Variants in NCKAP5 observed in about 807,000 individuals in gnomAD.
NCKAP5 encodes nck-associated protein 5.
A neutral mutation model predicts 167.0 loss-of-function variants in NCKAP5; 92 were observed. The observed-to-expected ratio is 0.55, with a 90% confidence interval of 0.47 to 0.66. NCKAP5 has a LOEUF of 0.66. Among genes scored for constraint, NCKAP5 ranks in the 30% least tolerant of loss-of-function variants. NCKAP5 has a pLI of 0.00. For synonymous variants in NCKAP5, 891 were observed against 877.4 expected, an observed-to-expected ratio of 1.02 and a Z score of -0.27; for missense variants, 2,378 against 2,315.0, an observed-to-expected ratio of 1.03 and a Z score of -0.56.
intron 8 of NCKAP5, among the ~76,000 whole-genome samples, chr2:132,913,819 T>C (rs960326609): frequency 6.6e-6 from 1 of 152,198 alleles, no homozygotes. Context: ...TTGAAGTGCA[T>C]GGAGAAAACT....
intron 6 of NCKAP5, chr2:133,121,991 T>C (rs1160298239): frequency 1.3e-5 from 2 of 152,218 alleles, no homozygotes; most frequent in African/African-American, 2.4e-5. Context: ...AGTTCCATAC[T>C]TTATGACTTC....
the NCKAP5 span, among the ~76,000 whole-genome samples, chr2:133,637,476 C>CAAAAAAAAAAAAAAA: frequency 6.6e-4 from 21 of 31,666 alleles, 2 homozygotes; most frequent in East Asian, 8.4e-3. Context: ...TGGTATTTTC[C>CAAAAAAAAAAAAAAA]AAAAAAAAAA....
intron 8 of NCKAP5, among the ~76,000 whole-genome samples, chr2:132,901,554 C>T (rs573044138): frequency 1.1e-4 from 16 of 152,210 alleles, no homozygotes; most frequent in African/African-American, 3.9e-4. Context: ...CCTGATTAAA[C>T]GTTTCACCCA....
chr2:132,826,817 C>G (rs968475434), intron 11 of NCKAP5, among the ~76,000 whole-genome samples: 1 of 152,120 alleles, frequency 6.6e-6, no homozygotes, highest in African/African-American at 2.4e-5. Context: ...AAGAAATGTT[C>G]TTTTTGCTAC....
At chr2:133,197,398 C>T (rs1368482473) in intron 5 of NCKAP5, among the ~76,000 whole-genome samples, 2 of 152,200 alleles carry the variant, frequency 1.3e-5, no homozygotes, top group Admixed American at 1.3e-4. Context: ...AGGCCTGAAC[C>T]TCACCTGGCC....
At position 132,825,571 on chromosome 2, in the gene NCKAP5, A is replaced by G. The variant is rs139866988; in HGVS notation, c.808-28842T>C. Among the ~76,000 whole-genome samples the G allele has an allele frequency of 3.0e-3, 460 of 152,346 alleles. 2 individuals are homozygous for G. Among genetic ancestry groups the G allele is most frequent in the African/African-American group, 0.011 (438 of 41,592 alleles). Reference sequence around the variant, plus strand: ...TTTCCATAAGGACTGAAAGCTACCAATATCAAGCCATTTTAACAGAGGGCA... The same window carrying G: ...TTTCCATAAGGACTGAAAGCTACCAGTATCAAGCCATTTTAACAGAGGGCA... On this transcript the variant is annotated intron_variant, in intron 11 of 19. Transcript: ENST00000409261.
At chr2:133,633,400 A>G in the NCKAP5 span, among the ~76,000 whole-genome samples, 1 of 152,174 alleles carries the variant, frequency 6.6e-6, no homozygotes, top group Non-Finnish European at 1.5e-5. Flanking sequence ...AAAGTCTGCT[A>G]TTTCTAGCCT....
At chr2:133,287,479 G>A (rs1346882607) in intron 4 of NCKAP5, among the ~76,000 whole-genome samples, 2 of 152,172 alleles carry the variant, frequency 1.3e-5, no homozygotes, top group South Asian at 4.1e-4. Flanking sequence ...TGAAGATACA[G>A]CATCAGACAA....
At chr2:133,466,650 T>C (rs949960298) in intron 3 of NCKAP5, among the ~76,000 whole-genome samples, 1 of 152,260 alleles carries the variant, frequency 6.6e-6, no homozygotes. Context: ...GAGCATGGAA[T>C]GTTCTTCCGT....
chr2:133,500,470 A>T (rs1215996371), intron 3 of NCKAP5, among the ~76,000 whole-genome samples: 1 of 152,194 alleles, frequency 6.6e-6, no homozygotes, highest in Non-Finnish European at 1.5e-5. Flanking sequence ...GACAAAGCAC[A>T]TGGGAGGTCT....
the NCKAP5 span, among the ~76,000 whole-genome samples, chr2:133,660,408 A>C: frequency 2.0e-5 from 3 of 152,118 alleles, no homozygotes. Flanking sequence ...GCATTTGCTT[A>C]TCTGTTTTTC....
At chr2:132,787,404 C>T (rs1683676616) in intron 13 of NCKAP5, among the ~76,000 whole-genome samples, 4 of 151,450 alleles carry the variant, frequency 2.6e-5, no homozygotes, top group Admixed American at 1.3e-4. Flanking sequence ...CAAGAGAAGG[C>T]TCTGGGTTTC....
chr2:133,062,582 G>T (rs1187770780), intron 6 of NCKAP5, among the ~76,000 whole-genome samples: 1 of 152,176 alleles, frequency 6.6e-6, no homozygotes, highest in African/African-American at 2.4e-5. Context: ...AATCCTGGAG[G>T]TAAAAATCCA....
chr2:133,344,087 C>T (rs1300007145), intron 3 of NCKAP5, among the ~76,000 whole-genome samples: 3 of 152,028 alleles, frequency 2.0e-5, no homozygotes, highest in Non-Finnish European at 4.4e-5. Context: ...GACATTTGAA[C>T]AGAGACCTGA....
chr2:133,182,763 A>C (rs1009891361), intron 5 of NCKAP5, among the ~76,000 whole-genome samples: 1 of 152,176 alleles, frequency 6.6e-6, no homozygotes, highest in African/African-American at 2.4e-5. Flanking sequence ...AATAAATATA[A>C]GAGCAGAAAT....
Position 132,716,234 on chromosome 2 carries a change from C to T in NCKAP5, c.5713+9393G>A, listed in dbSNP as rs547198624. On this transcript the variant is annotated intron_variant, in intron 19 of 19. Coordinates refer to ENST00000409261, the MANE Select transcript of NCKAP5 (RefSeq NM_207363.3). The stretch of plus-strand genomic sequence containing the variant: ...CAAAAAAGCCATCCTCAAACATGCT[C>T]ATGGGGCTGCAGAAATGTCAGTTGT... Among the ~76,000 whole-genome samples, 4 of 152,302 alleles carry T rather than the reference C, an allele frequency of 2.6e-5. No homozygotes were observed. The South Asian group carries it at 8.3e-4, about 32-fold the overall frequency.
At position 132,731,696 on chromosome 2, in the gene NCKAP5, TCAGCAAA is replaced by T. The variant is rs1574021025; in HGVS notation, c.5443+34_5443+40del. 4.6e-6 allele frequency: 7 copies of T among 1,517,514 alleles called. No individual in the cohort carries two copies. The Admixed American group carries it at 9.0e-5, about 20-fold the overall frequency. The allele number at this position is 1,517,514 out of a possible 1,614,324, so 94.0% of individuals were successfully genotyped here. A position where few individuals can be genotyped will look rare whatever the true frequency, so the allele number is the denominator to read the frequency against. ...TGGTGAAAAGTTTCCCTTTTTTTTG[TCAGCAAA>T]TGTCTTATTAAGGGTGGGAAATTGG... On this transcript the variant is annotated intron_variant, in intron 17 of 19. Transcript: ENST00000409261.
intron 3 of NCKAP5, among the ~76,000 whole-genome samples, chr2:133,501,328 G>T (rs1682494142): frequency 6.6e-6 from 1 of 152,192 alleles, no homozygotes; most frequent in African/African-American, 2.4e-5. Context: ...ATCTAAATGA[G>T]TTGGCTAGAC....
chr2:132,715,384 C>G (rs765024534), intron 19 of NCKAP5, among the ~76,000 whole-genome samples: 6 of 152,286 alleles, frequency 3.9e-5, no homozygotes, highest in Middle Eastern at 3.4e-3. Flanking sequence ...GCAAGGGGCT[C>G]TTTCTAAATG....
Sources: allele counts gnomAD v4.1 joint callset (sites outside exome capture counted in the v4.1 genomes callset), GRCh38; gene constraint gnomAD v4.1.1; transcripts MANE v1.5; gene names NCBI Gene and HGNC (gene_info 2026-07-23, HGNC 2026-07-21).